PLD1: variants seen among roughly 807,000 people sequenced by gnomAD.
PLD1 encodes the protein phospholipase D1, also known as choline phosphatase 1.
Under a neutral mutation model 137.1 loss-of-function variants are expected in PLD1, and 112 were observed. That is an observed-to-expected ratio of 0.82 (90% CI 0.70 to 0.96). The LOEUF is 0.96. Among genes scored for constraint, PLD1 ranks in the 40% least tolerant of loss-of-function variants. PLD1 has a pLI of 0.00. For missense variants in PLD1, 1,321 were observed against 1,342.0 expected (o/e 0.98, Z 0.24); for synonymous variants, 431 against 454.7 (o/e 0.95, Z 0.66).
rs185814646 is a variant in PLD1 at position 171,691,378 on chromosome 3, T to A, written c.1338+954A>T. Among the ~76,000 whole-genome samples, 8 of 152,308 alleles carry A rather than the reference T, an allele frequency of 5.3e-5. No individual in the cohort carries two copies. In the East Asian group the frequency reaches 1.5e-3, roughly 29 times the overall value. On this transcript the variant is annotated intron_variant, in intron 13 of 26. Coordinates refer to ENST00000351298, the MANE Select transcript of PLD1 (RefSeq NM_002662.5). ...TCTACTACATGTCTTATAGCTTTTT[T>A]GTCTCTCATTTCCTGCATTACTGTC...
chr3:171,714,132 C>T, intron 8 of PLD1, 87 bp from the exon 9 acceptor site: 1 of 799,664 alleles, frequency 1.3e-6, no homozygotes, highest in East Asian at 2.5e-5. Context: ...CTTAAGTAAT[C>T]ACTCTGGCAG....
chr3:171,614,872 G>A (rs1050834576), intron 24 of PLD1, among the ~76,000 whole-genome samples: 5 of 152,132 alleles, frequency 3.3e-5, no homozygotes, highest in African/African-American at 1.2e-4. Flanking sequence ...CCACCACAGT[G>A]GGCCCCGACA....
intron 12 of PLD1, among the ~76,000 whole-genome samples, chr3:171,694,232 T>C (rs1046945454): frequency 6.6e-6 from 1 of 152,064 alleles, no homozygotes; most frequent in African/African-American, 2.4e-5. Flanking sequence ...ATTCTTGCTC[T>C]AAAAAAAGCA....
intron 1 of PLD1, among the ~76,000 whole-genome samples, chr3:171,768,427 A>G (rs1378878476): frequency 6.6e-6 from 1 of 152,214 alleles, no homozygotes; most frequent in East Asian, 1.9e-4. Context: ...CAAGGCTATA[A>G]ACTGCAGATG....
chr3:171,670,620 T>C (rs1363600864), intron 19 of PLD1, among the ~76,000 whole-genome samples: 1 of 152,266 alleles, frequency 6.6e-6, no homozygotes, highest in Non-Finnish European at 1.5e-5. Context: ...CTTATAATCT[T>C]GGAATTTAAG....
intron 24 of PLD1, among the ~76,000 whole-genome samples, chr3:171,613,088 T>A (rs1388294085): frequency 5.9e-5 from 9 of 152,172 alleles, no homozygotes; most frequent in African/African-American, 2.2e-4. Context: ...GAGGATCGCC[T>A]GAGCCTAGGA....
At chr3:171,634,668 A>C (rs1372187160) in intron 23 of PLD1, among the ~76,000 whole-genome samples, 9 of 152,178 alleles carry the variant, frequency 5.9e-5, no homozygotes, top group Admixed American at 5.9e-4. Context: ...ACATATGCCT[A>C]TTTTGAAATT....
chr3:171,606,597 A>C (rs1458947252), intron 25 of PLD1, among the ~76,000 whole-genome samples: 3 of 152,148 alleles, frequency 2.0e-5, no homozygotes, highest in Non-Finnish European at 4.4e-5. Context: ...CCACACAAAG[A>C]AGTATGTCAA....
intron 9 of PLD1, among the ~76,000 whole-genome samples, chr3:171,713,247 G>A (rs1043266081): frequency 2.6e-5 from 4 of 152,194 alleles, no homozygotes; most frequent in African/African-American, 9.7e-5. Context: ...ATCACTTGAG[G>A]TCAGGAGTTC....
chr3:171,676,381 C>T (rs759961225), intron 18 of PLD1, among the ~76,000 whole-genome samples: 8 of 152,056 alleles, frequency 5.3e-5, no homozygotes, highest in Admixed American at 1.3e-4. Flanking sequence ...CTCCTATCCC[C>T]CTATAACAGC....
At chr3:171,666,836 T>A (rs1420617584) in intron 19 of PLD1, among the ~76,000 whole-genome samples, 1 of 152,238 alleles carries the variant, frequency 6.6e-6, no homozygotes, top group South Asian at 2.1e-4. Flanking sequence ...TTTCTGATTT[T>A]ATGGTTTAAC....
chr3:171,708,267 G>T (rs1277452206), intron 11 of PLD1, among the ~76,000 whole-genome samples: 1 of 152,132 alleles, frequency 6.6e-6, no homozygotes, highest in Admixed American at 6.5e-5. Context: ...TTTTAAGGTG[G>T]TCACAAAGTT....
In PLD1 at chr3:171,661,929, T is replaced by C; in HGVS notation, c.2340+131A>G. On this transcript the variant is annotated intron_variant, in intron 20 of 26. Transcript: ENST00000351298. ...AATTCAGGTGATATGAACCAGAGCTTCTCCAGCACTTTTCACGCCTCAAAA... is the reference window on the plus strand; with the variant it reads ...AATTCAGGTGATATGAACCAGAGCTCCTCCAGCACTTTTCACGCCTCAAAA... 2 of 554,360 alleles carry C rather than the reference T, an allele frequency of 3.6e-6. 1 individual carries two copies. Among genetic ancestry groups the C allele is most frequent in the South Asian group, 5.2e-5 (2 of 38,408 alleles). The allele number at this position is 554,360 out of a possible 1,614,324, so 34.3% of individuals were successfully genotyped here. A position where few individuals can be genotyped will look rare whatever the true frequency, so the allele number is the denominator to read the frequency against.
chr3:171,684,855 G>A (rs1169107335), intron 16 of PLD1, among the ~76,000 whole-genome samples: 2 of 152,176 alleles, frequency 1.3e-5, no homozygotes, highest in Non-Finnish European at 2.9e-5. Context: ...CCAAATTGCT[G>A]GGATTACAGG....
At chr3:171,755,566 C>G (rs1181617123) in intron 1 of PLD1, among the ~76,000 whole-genome samples, 1 of 152,146 alleles carries the variant, frequency 6.6e-6, no homozygotes, top group African/African-American at 2.4e-5. Flanking sequence ...TAATATTATT[C>G]AGGGTCCCAG....
chr3:171,735,859 A>G (rs985582306), intron 3 of PLD1, among the ~76,000 whole-genome samples: 1 of 152,336 alleles, frequency 6.6e-6, no homozygotes, highest in Middle Eastern at 3.4e-3. Flanking sequence ...TTTCAATCAC[A>G]CGAGACGATT....
intron 1 of PLD1, among the ~76,000 whole-genome samples, chr3:171,796,861 C>CT (rs1425665223): frequency 3.3e-5 from 5 of 152,166 alleles, no homozygotes; most frequent in African/African-American, 9.7e-5. Flanking sequence ...CTTCTTCAGC[C>CT]TATCCTTGCT....
intron 1 of PLD1, among the ~76,000 whole-genome samples, chr3:171,798,760 T>C (rs1005310800): frequency 2.0e-4 from 30 of 152,154 alleles, no homozygotes; most frequent in African/African-American, 6.8e-4. Flanking sequence ...TCTAGCCAGG[T>C]CCCAAGGCCC....
chr3:171,764,844 A>G (rs1189990647), intron 1 of PLD1, among the ~76,000 whole-genome samples: 1 of 16,530 alleles, frequency 6.0e-5, no homozygotes, highest in African/African-American at 2.4e-4. Flanking sequence ...AGAAAGAAAG[A>G]AAGAAAGAAA....
Sources: allele counts gnomAD v4.1 joint callset (sites outside exome capture counted in the v4.1 genomes callset), GRCh38; gene constraint gnomAD v4.1.1; transcripts MANE v1.5; gene names NCBI Gene and HGNC (gene_info 2026-07-23, HGNC 2026-07-21).